Variants in DDX50 observed in about 807,000 individuals in gnomAD.
DDX50 encodes ATP-dependent RNA helicase DDX50.
In DDX50, 56 loss-of-function variants were observed where a neutral mutation model predicts 94.8. That is an observed-to-expected ratio of 0.59 (90% CI 0.48 to 0.74). DDX50 has a LOEUF of 0.74. Ranked by LOEUF, DDX50 falls within the 30% of genes least tolerant of loss-of-function variation. DDX50 has a pLI of 0.00. For missense variants in DDX50, 713 were observed against 881.2 expected (o/e 0.81, Z 2.42); for synonymous variants, 264 against 295.4 (o/e 0.89, Z 1.09).
intron 8 of DDX50, among the ~76,000 whole-genome samples, chr10:68,927,279 T>C (rs1156470814): frequency 6.6e-6 from 1 of 152,232 alleles, no homozygotes; most frequent in African/African-American, 2.4e-5. Flanking sequence ...TAACTTTTTT[T>C]CAAAAATTAG....
intron 10 of DDX50, among the ~76,000 whole-genome samples, chr10:68,935,343 T>G (rs1174206409): frequency 6.6e-6 from 1 of 152,194 alleles, no homozygotes; most frequent in African/African-American, 2.4e-5. Flanking sequence ...ATATGTGTTT[T>G]TATATGCAAT....
At position 68,913,294 on chromosome 10, in the gene DDX50, T is replaced by G; in HGVS notation, c.757+15T>G. On this transcript the variant is annotated intron_variant, in intron 5 of 14. Transcript: ENST00000373585. ...TCAAAGCCAAAGTGAGTAAATATGT[T>G]TGATAGACGTGCAAAGGCATATTTG... The G allele has an allele frequency of 6.2e-7, 1 of 1,607,284 alleles. No individual in the cohort carries two copies. Among genetic ancestry groups the G allele is most frequent in the Non-Finnish European group, 8.5e-7 (1 of 1,178,120 alleles).
At chr10:68,916,012 A>G (rs1841779204) in intron 7 of DDX50, among the ~76,000 whole-genome samples, 1 of 152,198 alleles carries the variant, frequency 6.6e-6, no homozygotes, top group African/African-American at 2.4e-5. Flanking sequence ...TTGAAAGAAT[A>G]AACATCAGAT....
intron 12 of DDX50, among the ~76,000 whole-genome samples, chr10:68,939,905 C>G (rs1161637579): frequency 7.4e-6 from 1 of 134,332 alleles, no homozygotes; most frequent in East Asian, 2.5e-4. Context: ...AATTTACTGT[C>G]CATGAGAGAA....
intron 7 of DDX50, among the ~76,000 whole-genome samples, chr10:68,915,419 A>G (rs1841757347): frequency 1.3e-5 from 2 of 149,510 alleles, no homozygotes; most frequent in Admixed American, 1.3e-4. Context: ...TCTCAAAAAA[A>G]AATAAAAGAA....
intron 12 of DDX50, among the ~76,000 whole-genome samples, chr10:68,940,182 G>A (rs549100684): frequency 3.5e-4 from 53 of 151,734 alleles, no homozygotes; most frequent in South Asian, 2.5e-3. Context: ...TGAGTCCAGG[G>A]GTTCAAGACC....
intron 11 of DDX50, among the ~76,000 whole-genome samples, 197 bp downstream of exon 11, chr10:68,936,276 A>G (rs968301899): frequency 5.4e-5 from 8 of 147,652 alleles, no homozygotes; most frequent in African/African-American, 1.8e-4. Context: ...TCATGAGGTC[A>G]GGAGATTGAG....
intron 8 of DDX50, among the ~76,000 whole-genome samples, chr10:68,927,788 T>G (rs1449678318): frequency 6.6e-6 from 1 of 152,166 alleles, no homozygotes; most frequent in East Asian, 1.9e-4. Context: ...GTAGATATAT[T>G]TTTAAAGGGA....
At chr10:68,940,834 G>C (rs1564618463) in intron 12 of DDX50, among the ~76,000 whole-genome samples, 1 of 152,032 alleles carries the variant, frequency 6.6e-6, no homozygotes, top group African/African-American at 2.4e-5. Flanking sequence ...AAAGCATAAT[G>C]GTTAGAATTA....
At chr10:68,938,427 G>A (rs1346839582) in intron 12 of DDX50, among the ~76,000 whole-genome samples, 2 of 152,194 alleles carry the variant, frequency 1.3e-5, no homozygotes, top group Non-Finnish European at 2.9e-5. Context: ...GGAGTTTCTT[G>A]GTGAAGAGAA....
intron 8 of DDX50, among the ~76,000 whole-genome samples, chr10:68,921,152 G>T (rs1841929665): frequency 6.7e-6 from 1 of 148,508 alleles, no homozygotes; most frequent in Non-Finnish European, 1.5e-5. Context: ...ATCCATAAAT[G>T]TTTGGTTATG....
chr10:68,910,525 G>C (rs1841595649), intron 3 of DDX50, 143 bp downstream of exon 3: 1 of 591,148 alleles, frequency 1.7e-6, no homozygotes, highest in Non-Finnish European at 2.9e-6. Context: ...ACCTCAGCCT[G>C]CTGAGTAGTT....
chr10:68,923,569 G>A lies in DDX50; in HGVS notation c.1239+3588G>A, dbSNP rs150552332. Among the ~76,000 whole-genome samples the A allele has an allele frequency of 2.2e-3, 340 of 151,222 alleles. 1 individual carries two copies. Among genetic ancestry groups the A allele is most frequent in the Middle Eastern group, 0.01 (3 of 292 alleles). ...TCTTTTAATTTTTTGTTGAGACACA[G>A]TTTCACTCTATCAGCCAGGCTGGAG... is the stretch of plus-strand genomic sequence containing the variant. On this transcript the variant is annotated intron_variant, in intron 8 of 14. Transcript: ENST00000373585.
chr10:68,909,273 A>G (rs1841557497), intron 2 of DDX50, among the ~76,000 whole-genome samples: 1 of 152,256 alleles, frequency 6.6e-6, no homozygotes, highest in East Asian at 1.9e-4. Context: ...CTTTAAACAC[A>G]TGAACAATAA....
At position 68,946,340 on chromosome 10, in the gene DDX50, T is replaced by C. The variant is rs1441588047; in HGVS notation, c.1936-12T>C. 6.3e-7 allele frequency: 1 copy of C among 1,594,752 alleles called. No individual in the cohort carries two copies. The highest frequency in any genetic ancestry group is 8.6e-7 in the Non-Finnish European group (1 of 1,169,104). On this transcript the variant is annotated splice_polypyrimidine_tract_variant and intron_variant, in intron 14 of 14. Transcript: ENST00000373585. ...TTTGCATTTATATTAATCCTGTAAATTCCCCTAACAGGCAGAGTGGCATGA... is the reference window on the plus strand; with the variant it reads ...TTTGCATTTATATTAATCCTGTAAACTCCCCTAACAGGCAGAGTGGCATGA...
Position 68,934,147 on chromosome 10 carries a change from T to C in DDX50, c.1240-52T>C, listed in dbSNP as rs1379663962. ...GCACAGACTAGATGTTGTTGTGCTA[T>C]CAGTTGCAAGTATGAGCTGTACACT... is the stretch of plus-strand genomic sequence containing the variant. On this transcript the variant is annotated intron_variant, in intron 8 of 14. Coordinates refer to ENST00000373585, the MANE Select transcript of DDX50 (RefSeq NM_024045.2). This position sits in a 1 kb window ranked among gnomAD's most constrained non-coding sequence, Gnocchi z 4.0. The C allele has an allele frequency of 6.5e-7, 1 of 1,541,288 alleles. No homozygotes were observed. Among genetic ancestry groups the C allele is most frequent in the East Asian group, 2.3e-5 (1 of 43,658 alleles).
At chr10:68,946,092 T>G (rs1211732475) in intron 14 of DDX50, among the ~76,000 whole-genome samples, 1 of 150,656 alleles carries the variant, frequency 6.6e-6, no homozygotes, top group Non-Finnish European at 1.5e-5. Context: ...GAATGTATAT[T>G]TATAGAATGT....
intron 7 of DDX50, among the ~76,000 whole-genome samples, chr10:68,917,474 A>C (rs1039932993): frequency 2.0e-4 from 30 of 152,224 alleles, no homozygotes; most frequent in African/African-American, 6.0e-4. Context: ...ACAACAAAAA[A>C]ACTCATTTGC....
chr10:68,914,134 A>C lies in DDX50; in HGVS notation c.1019A>C (p.Tyr340Ser). ...TGGGTATACAAAGTTGCAAAAAAAT[A>C]CATGAAATCCAGATATGAACAGGTT... Reference protein sequence around the residue: ...PQWVYKVAKKYMKSRYEQVDL... With the variant: ...PQWVYKVAKKSMKSRYEQVDL... Residue 340 changes from tyrosine (Y) to serine (S), a missense_variant, in exon 7 of 15, where the codon TAC becomes TCC. Physicochemically the swap from Tyr to Ser is moderately radical, Grantham distance 144 (BLOSUM62 -2). Coordinates refer to ENST00000373585, the MANE Select transcript of DDX50 (RefSeq NM_024045.2). 1 of 1,612,544 alleles carries C rather than the reference A, an allele frequency of 6.2e-7. No individual in the cohort carries two copies. The highest frequency in any genetic ancestry group is 1.1e-5 in the South Asian group (1 of 90,710).
Sources: allele counts gnomAD v4.1 joint callset (sites outside exome capture counted in the v4.1 genomes callset), GRCh38; gene constraint gnomAD v4.1.1; non-coding constraint Gnocchi (gnomAD v3.1); transcripts MANE v1.5; gene names NCBI Gene and HGNC (gene_info 2026-07-23, HGNC 2026-07-21).